MFSD2A: variants seen among roughly 807,000 people sequenced by gnomAD.
MFSD2A encodes sodium-dependent lysophosphatidylcholine symporter 1.
MFSD2A carries 27 observed loss-of-function variants against 64.7 expected under a neutral mutation model. The observed-to-expected ratio is 0.42, with a 90% CI of 0.31 to 0.58. The LOEUF is 0.58. Among genes scored for constraint, MFSD2A ranks in the 20% least tolerant of loss-of-function variants. MFSD2A has a pLI of 0.18. For missense variants in MFSD2A, 474 were observed against 679.5 expected (o/e 0.70, Z 3.36); for synonymous variants, 258 against 273.4 (o/e 0.94, Z 0.55).
Position 39,969,526 on chromosome 1 carries a change from C to T in MFSD2A, c.1551C>T (p.Gly517=), listed in dbSNP as rs1645238401. 3.1e-6 allele frequency: 5 copies of T among 1,597,748 alleles called. No homozygotes were observed. Among genetic ancestry groups the T allele is most frequent in the Non-Finnish European group, 3.4e-6 (4 of 1,174,190 alleles). ...QALRDEASSS[G]CSETDSTELA... ...GCAGGGACGAGGCCAGCAGCTCTGG[C>T]TGCTCAGAAACAGACTCCACAGAGC... The change falls in exon 14 of 14, where the codon GGC becomes GGT. Residue 517 remains glycine, a synonymous_variant. Coordinates refer to ENST00000372811, the MANE Select transcript of MFSD2A (RefSeq NM_032793.5).
At position 39,966,019 on chromosome 1, in the gene MFSD2A, G is replaced by A; in HGVS notation, c.714+5G>A. ...ACCACCTCACACAGGGAAACGGTGA[G>A]GCCCTGGGCAGGGCAGGGATTTGGG... On this transcript the variant is annotated splice_donor_5th_base_variant and intron_variant, in intron 6 of 13. Transcript: ENST00000372811. The A allele has an allele frequency of 1.2e-6, 2 of 1,614,146 alleles. No individual in the cohort carries two copies. Among genetic ancestry groups the A allele is most frequent in the Non-Finnish European group, 1.7e-6 (2 of 1,179,980 alleles).
At chr1:39,962,879 A>G (rs981752145) in intron 3 of MFSD2A, 1 of 1,573,338 alleles carries the variant, frequency 6.4e-7, no homozygotes, top group African/African-American at 1.3e-5. Flanking sequence ...AGATTATGCC[A>G]GTGCAGAAGC....
Position 39,955,776 on chromosome 1 carries a change from C to A in MFSD2A, c.93+391C>A. The A allele has an allele frequency of 2.4e-6, 1 of 424,224 alleles. No individual in the cohort carries two copies. The highest frequency in any genetic ancestry group is 3.0e-5 in the Admixed American group (1 of 32,984). 26.3% of individuals were successfully genotyped at this position (424,224 alleles called of 1,614,324 possible). A position where few individuals can be genotyped will look rare whatever the true frequency, so the allele number is the denominator to read the frequency against. On this transcript the variant is annotated intron_variant, in intron 1 of 13. Coordinates refer to ENST00000372811, the MANE Select transcript of MFSD2A (RefSeq NM_032793.5). This position sits in a 1 kb window ranked among gnomAD's most constrained non-coding sequence, Gnocchi z 5.9. ...TCTCATCCCCTACCTCCCACTCCAC[C>A]CACCTACTCTTGCGCCTCAACTCTG...
intron 13 of MFSD2A, 109 bp from the exon 14 acceptor site, chr1:39,969,396 C>T: frequency 1.1e-6 from 1 of 899,238 alleles, no homozygotes; most frequent in Non-Finnish European, 1.7e-6. Context: ...TCCCGCGGTT[C>T]ACTTTAGTCC....
In MFSD2A at chr1:39,967,862, A is replaced by T; in HGVS notation, c.1154A>T (p.Tyr385Phe). 1 of 1,613,948 alleles carries T rather than the reference A, an allele frequency of 6.2e-7. No homozygotes were observed. Among genetic ancestry groups the T allele is most frequent in the South Asian group, 1.1e-5 (1 of 91,072 alleles). Reference protein sequence around the residue: ...ALMESNLIITYAVAVAAGISV... With the variant: ...ALMESNLIITFAVAVAAGISV... ...ATGGAGAGTAACCTCATCATTACAT[A>T]TGCGGTAGCTGTGGCAGCTGGCATC... The change falls in exon 11 of 14, where the codon TAT (tyrosine) becomes TTT (phenylalanine). Residue 385 changes from tyrosine to phenylalanine, a missense_variant. Physicochemically the swap from Tyr to Phe is conservative, Grantham distance 22. Coordinates refer to ENST00000372811, the MANE Select transcript of MFSD2A (RefSeq NM_032793.5).
In MFSD2A at chr1:39,955,463, G is replaced by A; in HGVS notation, c.93+78G>A. 7.1e-7 allele frequency: 1 copy of A among 1,407,072 alleles called. No homozygotes were observed. Among genetic ancestry groups the A allele is most frequent in the Non-Finnish European group, 9.7e-7 (1 of 1,028,978 alleles). 87.2% of individuals were successfully genotyped at this position (1,407,072 alleles called of 1,614,324 possible). Reference sequence around the variant, plus strand: ...GGGGGATCAGGGGCGTCCCGGGGTCGGCCTGGTCAGGGGACCATTGGGATA... The same window carrying A: ...GGGGGATCAGGGGCGTCCCGGGGTCAGCCTGGTCAGGGGACCATTGGGATA... On this transcript the variant is annotated intron_variant, in intron 1 of 13. Transcript: ENST00000372811. This position sits in a 1 kb window ranked among gnomAD's most constrained non-coding sequence, Gnocchi z 5.9.
chr1:39,966,728 A>G, intron 7 of MFSD2A, 37 bp downstream of exon 7: 1 of 1,613,412 alleles, frequency 6.2e-7, no homozygotes, highest in South Asian at 1.1e-5. Flanking sequence ...AGGCCTCAGC[A>G]TGGACAGCTG....
rs774854827 is a variant in MFSD2A at position 39,955,520 on chromosome 1, G to A, written c.93+135G>A. On this transcript the variant is annotated intron_variant, in intron 1 of 13. Coordinates refer to ENST00000372811, the MANE Select transcript of MFSD2A (RefSeq NM_032793.5). The surrounding 1 kb of genome is among the most constrained non-coding windows in gnomAD (Gnocchi z 5.9). ...GACAGGAAGCCTACGAGCCAGAGAG[G>A]ACCTGGGGGTGCCCTGGGACAGGGG... 3.1e-6 allele frequency: 3 copies of A among 978,660 alleles called. No individual in the cohort carries two copies. The highest frequency in any genetic ancestry group is 2.8e-5 in the South Asian group (2 of 71,872). 60.6% of individuals were successfully genotyped at this position (978,660 alleles called of 1,614,324 possible).
intron 2 of MFSD2A, 107 bp downstream of exon 2, chr1:39,957,328 C>A: frequency 8.5e-7 from 1 of 1,170,462 alleles, no homozygotes; most frequent in Non-Finnish European, 1.2e-6. Flanking sequence ...AATGGGACCC[C>A]AAATCACTAC....
chr1:39,957,241 G>A lies in MFSD2A; in HGVS notation c.228+20G>A, dbSNP rs1284509363. On this transcript the variant is annotated intron_variant, in intron 2 of 13. Coordinates refer to ENST00000372811, the MANE Select transcript of MFSD2A (RefSeq NM_032793.5). ...GCTCAGGTGAGTGGTCTAAGCCTTC[G>A]AGGGCTCCTTCAGCATCCTGAGGTG... 5.2e-6 allele frequency: 8 copies of A among 1,529,760 alleles called. No individual in the cohort carries two copies. The highest frequency in any genetic ancestry group is 4.4e-6 in the Non-Finnish European group (5 of 1,137,018). 94.8% of individuals were successfully genotyped at this position (1,529,760 alleles called of 1,614,324 possible). A position where few individuals can be genotyped will look rare whatever the true frequency, so the allele number is the denominator to read the frequency against.
chr1:39,962,463 A>T (rs1291254152), intron 3 of MFSD2A, among the ~76,000 whole-genome samples: 3 of 152,236 alleles, frequency 2.0e-5, no homozygotes, highest in Non-Finnish European at 4.4e-5. Flanking sequence ...CCCTTTTGTA[A>T]AACTACGGTA....
In MFSD2A at chr1:39,967,841, A is replaced by G. The variant is rs1350909331; in HGVS notation, c.1133A>G (p.Glu378Gly). Residue 378 changes from glutamate (E) to glycine (G), a missense_variant, in exon 11 of 14, where the codon GAG (glutamate) becomes GGG (glycine). Coordinates refer to ENST00000372811, the MANE Select transcript of MFSD2A (RefSeq NM_032793.5). ...VPFLILVALM[E>G]SNLIITYAVA... ...TTTCTCATCTTGGTGGCCCTCATGG[A>G]GAGTAACCTCATCATTACATATGCG... 1 of 1,613,852 alleles carries G rather than the reference A, an allele frequency of 6.2e-7. No homozygotes were observed. Among genetic ancestry groups the G allele is most frequent in the Non-Finnish European group, 8.5e-7 (1 of 1,179,922 alleles).
At chr1:39,962,647 G>A (rs1244952540) in intron 3 of MFSD2A, 19 of 842,146 alleles carry the variant, frequency 2.3e-5, no homozygotes, top group Non-Finnish European at 3.5e-5. Context: ...AGTGGCATCC[G>A]GGGCCGGGGT....
Position 39,955,472 on chromosome 1 carries a change from A to T in MFSD2A, c.93+87A>T. ...GGGGCGTCCCGGGGTCGGCCTGGTC[A>T]GGGGACCATTGGGATAGCCAGGGAC... On this transcript the variant is annotated intron_variant, in intron 1 of 13. Coordinates refer to ENST00000372811, the MANE Select transcript of MFSD2A (RefSeq NM_032793.5). The surrounding 1 kb of genome is among the most constrained non-coding windows in gnomAD (Gnocchi z 5.9). 2 of 1,358,504 alleles carry T rather than the reference A, an allele frequency of 1.5e-6. No individual in the cohort carries two copies. The highest frequency in any genetic ancestry group is 2.5e-5 in the South Asian group (2 of 79,698). 84.2% of individuals were successfully genotyped at this position (1,358,504 alleles called of 1,614,324 possible).
chr1:39,958,655 C>A lies in MFSD2A; in HGVS notation c.229-46C>A. 6.2e-7 allele frequency: 1 copy of A among 1,614,038 alleles called. No individual in the cohort carries two copies. The highest frequency in any genetic ancestry group is 1.1e-5 in the South Asian group (1 of 91,076). On this transcript the variant is annotated intron_variant, in intron 2 of 13. Transcript: ENST00000372811. This position sits in a 1 kb window ranked among gnomAD's most constrained non-coding sequence, Gnocchi z 4.7. ...TTCTGCCTACCAGTGAGAGTTGAGGCGAGTAGAAGGATGAGGAAGTTGTCT... is the reference window on the plus strand; with the variant it reads ...TTCTGCCTACCAGTGAGAGTTGAGGAGAGTAGAAGGATGAGGAAGTTGTCT...
rs1280886976 is a variant in MFSD2A, at chr1:39,968,181, A to G, written c.1209-153A>G. On this transcript the variant is annotated intron_variant, in intron 11 of 13. Coordinates refer to ENST00000372811, the MANE Select transcript of MFSD2A (RefSeq NM_032793.5). The surrounding 1 kb of genome is among the most constrained non-coding windows in gnomAD (Gnocchi z 4.4). ...TCCAGGCAGGGTTACTTCCTCTTAG[A>G]GCAAGAGGCCTTTTCTTATTCATGT... The G allele has an allele frequency of 3.3e-6, 3 of 897,474 alleles. No homozygotes were observed. The highest frequency in any genetic ancestry group is 5.2e-5 in the East Asian group (2 of 38,116). The allele number at this position is 897,474 out of a possible 1,614,324, so 55.6% of individuals were successfully genotyped here.
Position 39,965,246 on chromosome 1 carries a change from A to G in MFSD2A, c.389A>G (p.Tyr130Cys). Reference protein sequence around the residue: ...IFSTPLAVIAYFLIWFVPDFP... With the variant: ...IFSTPLAVIACFLIWFVPDFP... ...TCCACGCCCCTGGCCGTCATTGCCT[A>G]CTTCCTCATCTGGTTCGTGCCCGAC... The change falls in exon 4 of 14, where the codon TAC becomes TGC. Residue 130 changes from tyrosine to cysteine, a missense_variant. By Grantham distance (194) the Tyr-to-Cys change is radical. Transcript: ENST00000372811. The surrounding 1 kb of genome is among the most constrained non-coding windows in gnomAD (Gnocchi z 5.5). 1.9e-6 allele frequency: 3 copies of G among 1,613,914 alleles called. No individual in the cohort carries two copies. The highest frequency in any genetic ancestry group is 2.5e-6 in the Non-Finnish European group (3 of 1,179,980).
At position 39,955,579 on chromosome 1, in the gene MFSD2A, C is replaced by T. The variant is rs1982873; in HGVS notation, c.93+194C>T. ...GAAAAGCTGTGGGCGCCCTCGCCCCCCTTTGCTCACCCGCACTCCACGCTC... is the reference window on the plus strand; with the variant it reads ...GAAAAGCTGTGGGCGCCCTCGCCCCTCTTTGCTCACCCGCACTCCACGCTC... On this transcript the variant is annotated intron_variant, in intron 1 of 13. Coordinates refer to ENST00000372811, the MANE Select transcript of MFSD2A (RefSeq NM_032793.5). This position sits in a 1 kb window ranked among gnomAD's most constrained non-coding sequence, Gnocchi z 5.9. 1,958 of 703,502 alleles carry T rather than the reference C, an allele frequency of 2.8e-3. 20 individuals are homozygous for T. The highest frequency in any genetic ancestry group is 0.025 in the East Asian group (918 of 36,916). The allele number at this position is 703,502 out of a possible 1,614,324, so 43.6% of individuals were successfully genotyped here. A position where few individuals can be genotyped will look rare whatever the true frequency, so the allele number is the denominator to read the frequency against.
At position 39,968,502 on chromosome 1, in the gene MFSD2A, A is replaced by C; in HGVS notation, c.1352+25A>C. The C allele has an allele frequency of 1.2e-5, 19 of 1,613,730 alleles. No homozygotes were observed. The highest frequency in any genetic ancestry group is 1.6e-5 in the Non-Finnish European group (19 of 1,179,858). On this transcript the variant is annotated intron_variant, in intron 12 of 13. Transcript: ENST00000372811. This position sits in a 1 kb window ranked among gnomAD's most constrained non-coding sequence, Gnocchi z 4.4. ...AGTGAGTGGGGTGGGGACCTGGGGCAGGACTGGGCAGGGCCAGGCCCCAGG... is the reference window on the plus strand; with the variant it reads ...AGTGAGTGGGGTGGGGACCTGGGGCCGGACTGGGCAGGGCCAGGCCCCAGG...
Sources: allele counts gnomAD v4.1 joint callset (sites outside exome capture counted in the v4.1 genomes callset), GRCh38; gene constraint gnomAD v4.1.1; non-coding constraint Gnocchi (gnomAD v3.1); transcripts MANE v1.5; gene names NCBI Gene and HGNC (gene_info 2026-07-23, HGNC 2026-07-21).